Variants in CPNE8 observed in about 807,000 individuals in gnomAD.
The protein encoded by CPNE8 is copine 8, also known as copine-8.
A neutral mutation model predicts 81.5 loss-of-function variants in CPNE8; 45 were observed. That is an observed-to-expected ratio of 0.55 (90% CI 0.44 to 0.71). The LOEUF is 0.71. Ranked by LOEUF, CPNE8 falls within the 30% of genes least tolerant of loss-of-function variation. CPNE8 has a pLI of 0.00. For synonymous variants in CPNE8, 252 were observed against 226.3 expected, an observed-to-expected ratio of 1.11 and a Z score of -1.02; for missense variants, 594 against 672.1, an observed-to-expected ratio of 0.88 and a Z score of 1.28.
intron 6 of CPNE8, among the ~76,000 whole-genome samples, chr12:38,782,707 G>A (rs1052482711): frequency 5.9e-5 from 9 of 151,806 alleles, no homozygotes; most frequent in Non-Finnish European, 1.0e-4. Flanking sequence ...TTGAGACAGG[G>A]TCTCACTTTG....
In CPNE8 at chr12:38,902,393, G is replaced by GAGAAAGAAAGAA. The variant is rs1295439144; in HGVS notation, c.98+3032_98+3043dup. Reference sequence around the variant, plus strand: ...GAAAGAAAGAAAGAAAAGAAAGAAAGAGAAAGAAAGAAAGAAAGAAAGAAA... The same window carrying GAGAAAGAAAGAA: ...GAAAGAAAGAAAGAAAAGAAAGAAAGAGAAAGAAAGAAAGAAAGAAAGAAAGAAAGAAAGAAA... On this transcript the variant is annotated intron_variant, in intron 1 of 19. Transcript: ENST00000331366. 5.5e-4 allele frequency among the ~76,000 whole-genome samples: 30 copies of GAGAAAGAAAGAA among 54,636 alleles called. 2 individuals carry two copies. The East Asian group carries it at 7.4e-3, about 13-fold the overall frequency. The allele number at this position is 54,636 out of a possible 152,430, so 35.8% of individuals were successfully genotyped here. A position where few individuals can be genotyped will look rare whatever the true frequency, so the allele number is the denominator to read the frequency against.
intron 6 of CPNE8, among the ~76,000 whole-genome samples, chr12:38,805,930 G>A (rs1385275351): frequency 5.3e-5 from 8 of 149,748 alleles, no homozygotes; most frequent in East Asian, 2.2e-4. Context: ...TATCACCACC[G>A]ATCCCACAGA....
intron 4 of CPNE8, among the ~76,000 whole-genome samples, chr12:38,846,872 G>A (rs1202977222): frequency 1.3e-5 from 2 of 152,200 alleles, no homozygotes; most frequent in Middle Eastern, 3.4e-3. Context: ...CCAGCCAAAT[G>A]CCCATCAGTA....
At chr12:38,659,695 C>A (rs542835527) in intron 19 of CPNE8, among the ~76,000 whole-genome samples, 15 of 152,216 alleles carry the variant, frequency 9.9e-5, no homozygotes, top group African/African-American at 3.1e-4. Flanking sequence ...ACAACAAACT[C>A]TCTCTCAGAC....
intron 3 of CPNE8, among the ~76,000 whole-genome samples, chr12:38,854,092 G>C (rs992875783): frequency 6.6e-6 from 1 of 151,896 alleles, no homozygotes; most frequent in Non-Finnish European, 1.5e-5. Flanking sequence ...AGATGAGTAC[G>C]GGAGTACGGT....
intron 1 of CPNE8, among the ~76,000 whole-genome samples, chr12:38,892,252 A>G (rs1205791930): frequency 3.9e-5 from 6 of 152,214 alleles, no homozygotes; most frequent in Non-Finnish European, 8.8e-5. Flanking sequence ...CTGGGAAAGG[A>G]ATCTGGGCAG....
At chr12:38,759,656 T>C (rs1328752345) in intron 10 of CPNE8, among the ~76,000 whole-genome samples, 1 of 152,202 alleles carries the variant, frequency 6.6e-6, no homozygotes, top group African/African-American at 2.4e-5. Context: ...ATTTGAGTCT[T>C]ATATACTTAT....
intron 17 of CPNE8, chr12:38,676,032 C>G (rs150496996): frequency 2.4e-5 from 4 of 164,288 alleles, no homozygotes; most frequent in South Asian, 2.0e-4. Context: ...GGAGGGATCA[C>G]CTGGGCCTAG....
chr12:38,784,223 C>T (rs1242440337), intron 6 of CPNE8, among the ~76,000 whole-genome samples: 4 of 152,114 alleles, frequency 2.6e-5, no homozygotes, highest in South Asian at 2.1e-4. Flanking sequence ...AATTGGCATA[C>T]TGAAGAATGC....
intron 13 of CPNE8, among the ~76,000 whole-genome samples, chr12:38,714,775 A>G (rs989348653): frequency 6.6e-6 from 1 of 152,092 alleles, no homozygotes; most frequent in Non-Finnish European, 1.5e-5. Flanking sequence ...GCTAAACACA[A>G]TATTTTACGG....
chr12:38,808,179 G>T (rs1031254298), intron 6 of CPNE8, among the ~76,000 whole-genome samples: 1 of 152,130 alleles, frequency 6.6e-6, no homozygotes, highest in African/African-American at 2.4e-5. Context: ...TTCAACCATT[G>T]TGGAAGTCAG....
intron 1 of CPNE8, among the ~76,000 whole-genome samples, chr12:38,878,980 T>TACG (rs1294443772): frequency 2.0e-5 from 3 of 152,210 alleles, no homozygotes; most frequent in Non-Finnish European, 4.4e-5. Context: ...TTGATTCAGC[T>TACG]ACGACAACAA....
intron 19 of CPNE8, among the ~76,000 whole-genome samples, chr12:38,668,560 C>G (rs1402473029): frequency 2.0e-5 from 3 of 152,180 alleles, no homozygotes; most frequent in African/African-American, 7.2e-5. Flanking sequence ...GAGGTTGCCT[C>G]TGCTAACTTG....
intron 1 of CPNE8, among the ~76,000 whole-genome samples, chr12:38,888,870 C>T (rs1346448206): frequency 6.6e-6 from 1 of 152,344 alleles, no homozygotes; most frequent in East Asian, 1.9e-4. Flanking sequence ...TAATACTATA[C>T]TCTTTCTGGC....
chr12:38,777,131 G>A (rs955549463), intron 6 of CPNE8, among the ~76,000 whole-genome samples: 2 of 152,068 alleles, frequency 1.3e-5, no homozygotes, highest in African/African-American at 4.8e-5. Context: ...CTCCATGCAT[G>A]GTACTGCCCC....
At chr12:38,814,526 T>C (rs1324580629) in intron 6 of CPNE8, among the ~76,000 whole-genome samples, 1 of 152,024 alleles carries the variant, frequency 6.6e-6, no homozygotes, top group Non-Finnish European at 1.5e-5. Flanking sequence ...TTTCACCATA[T>C]TGATCAGGCT....
intron 6 of CPNE8, among the ~76,000 whole-genome samples, chr12:38,797,880 G>A (rs1272829367): frequency 2.6e-5 from 4 of 152,132 alleles, no homozygotes; most frequent in Admixed American, 6.5e-5. Flanking sequence ...GAAAGCAAAG[G>A]CTCGAGAACT....
intron 1 of CPNE8, among the ~76,000 whole-genome samples, chr12:38,876,557 C>T (rs1339815086): frequency 1.3e-5 from 2 of 152,172 alleles, no homozygotes; most frequent in Non-Finnish European, 2.9e-5. Context: ...CACATTGTTT[C>T]ACTCAGCCAT....
chr12:38,668,097 T>C (rs1220787651), intron 19 of CPNE8, among the ~76,000 whole-genome samples: 1 of 151,928 alleles, frequency 6.6e-6, no homozygotes, highest in Non-Finnish European at 1.5e-5. Flanking sequence ...CTGTGCCCGG[T>C]TGGATTCTGA....
Sources: allele counts gnomAD v4.1 joint callset (sites outside exome capture counted in the v4.1 genomes callset), GRCh38; gene constraint gnomAD v4.1.1; transcripts MANE v1.5; gene names NCBI Gene and HGNC (gene_info 2026-07-23, HGNC 2026-07-21).